TGM2: variants seen among roughly 807,000 people sequenced by gnomAD.
TGM2 encodes protein-glutamine gamma-glutamyltransferase 2.
TGM2 carries 53 observed loss-of-function variants against 75.6 expected under a neutral mutation model. The ratio of observed to expected loss-of-function variants is 0.70; its 90% confidence interval spans 0.56 to 0.88. TGM2 has a LOEUF of 0.88. TGM2 is among the 40% of genes least tolerant of loss of function. The pLI is 0.00. For missense variants in TGM2, 842 were observed against 928.5 expected, an observed-to-expected ratio of 0.91 and a Z score of 1.21; for synonymous variants, 374 against 381.1, an observed-to-expected ratio of 0.98 and a Z score of 0.22.
chr20:38,155,915 G>C lies in TGM2; in HGVS notation c.365C>G (p.Ser122Cys), dbSNP rs545792168. 1.2e-6 allele frequency: 2 copies of C among 1,609,438 alleles called. No individual in the cohort carries two copies. The highest frequency in any genetic ancestry group is 2.2e-5 in the East Asian group (1 of 44,740). ...IGLYRLSLEA[S>C]TGYQGSSFVL... ...AAAGCTGGATCCCTGGTAGCCAGTG[G>C]AGGCCTCCAGGCTGAGGCGATACAG... The change falls in exon 3 of 13, where the codon TCC becomes TGC. Residue 122 changes from serine to cysteine, a missense_variant. Coordinates refer to ENST00000361475, the MANE Select transcript of TGM2 (RefSeq NM_004613.4).
chr20:38,150,830 G>A (rs2075106844), intron 4 of TGM2, 109 bp downstream of exon 4: 4 of 860,638 alleles, frequency 4.6e-6, no homozygotes, highest in East Asian at 4.9e-5. Context: ...CATGAAGTGG[G>A]TGACTCTGTG....
At chr20:38,143,045 A>G (rs1160001255) in intron 6 of TGM2, among the ~76,000 whole-genome samples, 1 of 152,214 alleles carries the variant, frequency 6.6e-6, no homozygotes, top group Non-Finnish European at 1.5e-5. Context: ...TTAGTCCTCC[A>G]AGGCCAGTGA....
chr20:38,157,039 G>A (rs981867009), intron 2 of TGM2, among the ~76,000 whole-genome samples: 7 of 152,220 alleles, frequency 4.6e-5, no homozygotes, highest in Non-Finnish European at 7.3e-5. Context: ...TGGGCAGGGC[G>A]AGGAGGGGCT....
intron 4 of TGM2, among the ~76,000 whole-genome samples, chr20:38,149,678 C>CAAAAA (rs1199376180): frequency 5.0e-4 from 20 of 40,402 alleles, no homozygotes; most frequent in East Asian, 8.4e-4. Flanking sequence ...GACTCCGCCT[C>CAAAAA]AAAAAAAAAA....
intron 10 of TGM2, among the ~76,000 whole-genome samples, chr20:38,134,503 C>T (rs989419096): frequency 5.3e-5 from 8 of 152,188 alleles, no homozygotes; most frequent in Non-Finnish European, 1.2e-4. Flanking sequence ...AGGGCTGGAC[C>T]TTTGAAAGTC....
chr20:38,139,483 A>G lies in TGM2; in HGVS notation c.1271T>C (p.Leu424Pro). Reference sequence around the variant, plus strand: ...GCCCACGCTCTTAGTGCTGATCTTCAGCCCAACGATCAGGGAACGGTTGAT... The same window carrying G: ...GCCCACGCTCTTAGTGCTGATCTTCGGCCCAACGATCAGGGAACGGTTGAT... ...KSINRSLIVG[L>P]KISTKSVGRD... The change falls in exon 9 of 13, where the codon CTG (leucine) becomes CCG (proline). Residue 424 changes from leucine (L) to proline (P), a missense_variant. By Grantham distance (98) the Leu-to-Pro change is moderately conservative (BLOSUM62 -3). Coordinates refer to ENST00000361475, the MANE Select transcript of TGM2 (RefSeq NM_004613.4). 6.2e-7 allele frequency: 1 copy of G among 1,614,212 alleles called. No homozygotes were observed. The highest frequency in any genetic ancestry group is 1.1e-5 in the South Asian group (1 of 91,084).
intron 10 of TGM2, among the ~76,000 whole-genome samples, chr20:38,135,989 G>A (rs1017253815): frequency 2.0e-5 from 3 of 152,192 alleles, no homozygotes; most frequent in South Asian, 4.1e-4. Flanking sequence ...CGCGCCCAAG[G>A]TGGTGCATTC....
chr20:38,148,687 C>T (rs1014382796), intron 4 of TGM2, among the ~76,000 whole-genome samples: 8 of 152,182 alleles, frequency 5.3e-5, no homozygotes, highest in African/African-American at 1.9e-4. Flanking sequence ...TTTTTGACCT[C>T]ATCTCTCACC....
intron 1 of TGM2, among the ~76,000 whole-genome samples, chr20:38,164,611 C>CA (rs2075290674): frequency 6.6e-6 from 1 of 152,098 alleles, no homozygotes; most frequent in Non-Finnish European, 1.5e-5. Flanking sequence ...AAAATAAGGA[C>CA]ACTGTTGTCC....
chr20:38,129,609 C>A lies in TGM2; in HGVS notation c.*610G>T, dbSNP rs2074802010. The A allele has an allele frequency of 6.5e-6, 1 of 153,064 alleles. No individual in the cohort carries two copies. The allele number at this position is 153,064 out of a possible 1,614,324, so 9.5% of individuals were successfully genotyped here. A position where few individuals can be genotyped will look rare whatever the true frequency, so the allele number is the denominator to read the frequency against. On this transcript the variant is annotated 3_prime_UTR_variant, in exon 13 of 13. Coordinates refer to ENST00000361475, the MANE Select transcript of TGM2 (RefSeq NM_004613.4). ...TTAAATGGGTTGGAGGCCCCGTGAG[C>A]CCCAGCAAGTGTGGGAGGCACCCAG... is the stretch of plus-strand genomic sequence containing the variant.
chr20:38,146,991 G>T, intron 5 of TGM2, 97 bp from the exon 6 acceptor site: 2 of 1,346,312 alleles, frequency 1.5e-6, no homozygotes, highest in Non-Finnish European at 2.1e-6. Flanking sequence ...GAAAGCTGGG[G>T]AGGGGAGCTC....
rs1421430122 is a variant in TGM2 at position 38,129,278 on chromosome 20, G to A, written c.*941C>T. ...AGGAGAAGGCAGTGCCTGGCCAGAC[G>A]TGGGACCTGAACCCAGCCAGGGCTC... On this transcript the variant is annotated 3_prime_UTR_variant, in exon 13 of 13. Transcript: ENST00000361475. The A allele has an allele frequency of 6.6e-6, 1 of 152,290 alleles. No individual in the cohort carries two copies. Among genetic ancestry groups the A allele is most frequent in the Non-Finnish European group, 1.5e-5 (1 of 68,112 alleles). 9.4% of individuals were successfully genotyped at this position (152,290 alleles called of 1,614,324 possible). A position where few individuals can be genotyped will look rare whatever the true frequency, so the allele number is the denominator to read the frequency against.
chr20:38,149,572 G>A (rs575095018), intron 4 of TGM2, among the ~76,000 whole-genome samples: 49 of 151,494 alleles, frequency 3.2e-4, no homozygotes, highest in Non-Finnish European at 5.2e-4. Context: ...CCAGCTACTC[G>A]GGAGGCTGAA....
chr20:38,135,803 C>G (rs1171672343), intron 10 of TGM2, among the ~76,000 whole-genome samples: 2 of 152,142 alleles, frequency 1.3e-5, no homozygotes, highest in Admixed American at 1.3e-4. Flanking sequence ...TCTTAGCACT[C>G]GCACTCAGGG....
chr20:38,165,048 G>T, intron 1 of TGM2, 141 bp downstream of exon 1: 1 of 1,213,244 alleles, frequency 8.2e-7, no homozygotes, highest in Non-Finnish European at 1.2e-6. Flanking sequence ...GAGGCTCCAA[G>T]CAGCATTGAG....
chr20:38,154,656 C>T (rs1234421398), intron 3 of TGM2, among the ~76,000 whole-genome samples: 3 of 152,150 alleles, frequency 2.0e-5, no homozygotes, highest in Non-Finnish European at 4.4e-5. Flanking sequence ...GTGTCATCTC[C>T]CCCTTGGGAT....
At chr20:38,137,569 G>A (rs547599747) in intron 10 of TGM2, among the ~76,000 whole-genome samples, 115 of 152,344 alleles carry the variant, frequency 7.5e-4, no homozygotes, top group South Asian at 1.7e-3. Flanking sequence ...CTGGATAGGC[G>A]GTGCAGACTC....
chr20:38,131,355 C>A, intron 11 of TGM2, 126 bp from the exon 12 acceptor site: 2 of 1,262,480 alleles, frequency 1.6e-6, no homozygotes, highest in South Asian at 1.3e-5. Context: ...GATCACCCCC[C>A]CTCCCCCCAC....
Position 38,161,538 on chromosome 20 carries a change from G to A in TGM2, c.72C>T (p.Ala24=), listed in dbSNP as rs751982579. The A allele has an allele frequency of 6.2e-6, 10 of 1,614,158 alleles. No individual in the cohort carries two copies. Among genetic ancestry groups the A allele is most frequent in the East Asian group, 4.5e-5 (2 of 44,874 alleles). The change falls in exon 2 of 13, where the codon GCC becomes GCT. Residue 24 remains alanine, a synonymous_variant. Transcript: ENST00000361475. ...CCACCAGCTTCTCCCGGCACAGGTCGGCCGTGTGGTGGTCTCGGCCATTGG... is the reference window on the plus strand; with the variant it reads ...CCACCAGCTTCTCCCGGCACAGGTCAGCCGTGTGGTGGTCTCGGCCATTGG... The part of the protein sequence containing the change: ...LETNGRDHHT[A]DLCREKLVVR...
Sources: gnomAD v4.1 joint callset for allele counts (sites outside exome capture counted in the v4.1 genomes callset) on GRCh38, gnomAD v4.1.1 for gene constraint, MANE v1.5 for transcripts, NCBI Gene and HGNC (gene_info 2026-07-23, HGNC 2026-07-21) for gene names.